Variants in STAT5B observed in about 807,000 individuals in gnomAD.
STAT5B encodes the protein signal transducer and activator of transcription 5B.
Under a neutral mutation model 107.8 loss-of-function variants are expected in STAT5B, and 21 were observed. That is an observed-to-expected ratio of 0.19 (90% confidence interval 0.14 to 0.28). The LOEUF (loss-of-function observed/expected upper bound fraction) is 0.28. Among genes scored for constraint, STAT5B ranks in the 10% least tolerant of loss-of-function variants. STAT5B has a pLI of 1.00. For missense variants in STAT5B, 565 were observed against 1,008.2 expected (o/e 0.56, Z 5.95); for synonymous variants, 325 against 401.7 (o/e 0.81, Z 2.28).
At chr17:42,237,786 A>G (rs2080368305) in intron 1 of STAT5B, among the ~76,000 whole-genome samples, 1 of 152,192 alleles carries the variant, frequency 6.6e-6, no homozygotes, top group Non-Finnish European at 1.5e-5. Flanking sequence ...TGCCAAAGAC[A>G]GCCTGTTAAG....
chr17:42,287,803 A>T, the STAT5B span: 1 of 152,048 alleles, frequency 6.6e-6, no homozygotes, highest in African/African-American at 2.4e-5. Flanking sequence ...AATTGTGGAG[A>T]GGGGGAGGGC....
intron 1 of STAT5B, among the ~76,000 whole-genome samples, chr17:42,257,443 C>T (rs970145337): frequency 5.3e-5 from 8 of 152,182 alleles, no homozygotes; most frequent in African/African-American, 1.9e-4. Flanking sequence ...AAAACCAGAA[C>T]ATCTGTTCAT....
At chr17:42,210,915 T>C (rs1476184819) in intron 13 of STAT5B, among the ~76,000 whole-genome samples, 2 of 152,072 alleles carry the variant, frequency 1.3e-5, no homozygotes, top group Non-Finnish European at 2.9e-5. Context: ...CAAATCAAGG[T>C]GATAGCCGGG....
At chr17:42,263,887 AC>A (rs2080642269) in intron 1 of STAT5B, among the ~76,000 whole-genome samples, 1 of 151,506 alleles carries the variant, frequency 6.6e-6, no homozygotes, top group African/African-American at 2.4e-5. Context: ...ACACACACAC[AC>A]ACACACACAC....
intron 5 of STAT5B, among the ~76,000 whole-genome samples, chr17:42,220,593 A>G (rs540089487): frequency 9.2e-5 from 14 of 152,098 alleles, no homozygotes; most frequent in East Asian, 3.9e-4. Flanking sequence ...CTCACTGTGA[A>G]CCCAGCCAAC....
intron 15 of STAT5B, 108 bp from the exon 16 acceptor site, chr17:42,207,836 T>A (rs764610705): frequency 2.2e-5 from 24 of 1,089,856 alleles, no homozygotes; most frequent in African/African-American, 3.2e-5. Flanking sequence ...ATGGCTCCAA[T>A]AGAAATCTCC....
chr17:42,276,250 C>T lies in STAT5B; in HGVS notation c.-13G>A, dbSNP rs2080764567. 1 of 147,476 alleles carries T rather than the reference C, an allele frequency of 6.8e-6. No individual in the cohort carries two copies. Among genetic ancestry groups the T allele is most frequent in the Non-Finnish European group, 1.5e-5 (1 of 66,192 alleles). 9.1% of individuals were successfully genotyped at this position (147,476 alleles called of 1,614,324 possible). On this transcript the variant is annotated splice_region_variant and 5_prime_UTR_variant, in exon 1 of 19. Transcript: ENST00000293328. The surrounding 1 kb of genome is among the most constrained non-coding windows in gnomAD (Gnocchi z 4.8). ...AGGGCTCGCCCCGCAGCTCCTACCT[C>T]GCTCGGCCCCTCGGGCGCCCGCGGC...
intron 1 of STAT5B, chr17:42,272,053 A>T (rs1384646303): frequency 1.3e-5 from 2 of 152,222 alleles, no homozygotes; most frequent in Non-Finnish European, 2.9e-5. Flanking sequence ...AAAGCGAGTT[A>T]AAGGCCAGGA....
intron 1 of STAT5B, among the ~76,000 whole-genome samples, chr17:42,258,348 T>C (rs917407201): frequency 2.0e-5 from 3 of 152,224 alleles, no homozygotes; most frequent in African/African-American, 7.2e-5. Context: ...TCTAGCCATT[T>C]CTTCAAAGGT....
rs1048235272 is a variant in STAT5B, at chr17:42,199,365, C to G, written c.*2373G>C. ...AAAATATGTATCTGAAATAATTTCA[C>G]CAAGTTTTAAAAAGAAAAATTATAA... On this transcript the variant is annotated 3_prime_UTR_variant, in exon 19 of 19. Coordinates refer to ENST00000293328, the MANE Select transcript of STAT5B (RefSeq NM_012448.4). 6.6e-6 allele frequency: 1 copy of G among 152,068 alleles called. No individual in the cohort carries two copies. The highest frequency in any genetic ancestry group is 1.9e-4 in the East Asian group (1 of 5,262). The allele number at this position is 152,068 out of a possible 1,614,324, so 9.4% of individuals were successfully genotyped here.
intron 1 of STAT5B, among the ~76,000 whole-genome samples, chr17:42,250,262 TA>T (rs1219676019): frequency 2.6e-5 from 4 of 152,212 alleles, no homozygotes; most frequent in African/African-American, 9.7e-5. Context: ...GCTCTTGTTC[TA>T]AAATGTCTGG....
In STAT5B at chr17:42,223,484, C is replaced by T. The variant is rs780393081; in HGVS notation, c.448G>A (p.Glu150Lys). 5.0e-6 allele frequency: 8 copies of T among 1,614,136 alleles called. No individual in the cohort carries two copies. The South Asian group carries it at 6.6e-5, about 13-fold the overall frequency. Residue 150 changes from glutamate to lysine, a missense_variant, in exon 5 of 19, where the codon GAG becomes AAG. This residue lies in a region of STAT5B where 54 missense variants were observed against 49.7 expected (regional missense o/e 1.09). Transcript: ENST00000293328. ...KHLQINQTFE[E>K]LRLVTQDTEN... Reference sequence around the variant, plus strand: ...GTGTCCTGCGTGACCAGTCGCAGCTCCTCAAACGTCTGGTTGATCTGGAGG... The same window carrying T: ...GTGTCCTGCGTGACCAGTCGCAGCTTCTCAAACGTCTGGTTGATCTGGAGG...
Position 42,202,387 on chromosome 17 carries a change from G to C in STAT5B, c.2190C>G (p.Pro730=). ...GGSATYMDQA[P]SPAVCPQAHY... is the part of the protein sequence containing the mutation. ...GAGCCTGGGGACACACAGCTGGGGA[G>C]GGGGCCTGGTCCATGTACGTGGCGC... is the stretch of plus-strand genomic sequence containing the variant. Residue 730 remains proline (P), a synonymous_variant, in exon 18 of 19, where the codon CCC becomes CCG. Transcript: ENST00000293328. 2 of 1,614,242 alleles carry C rather than the reference G, an allele frequency of 1.2e-6. No homozygotes were observed. The highest frequency in any genetic ancestry group is 2.2e-5 in the South Asian group (2 of 91,086).
At chr17:42,252,233 G>T (rs2080506704) in intron 1 of STAT5B, among the ~76,000 whole-genome samples, 2 of 152,102 alleles carry the variant, frequency 1.3e-5, no homozygotes, top group African/African-American at 4.8e-5. Flanking sequence ...TAGGAAAAGT[G>T]CCTCAAACAA....
intron 3 of STAT5B, among the ~76,000 whole-genome samples, chr17:42,226,650 A>T (rs559788153): frequency 2.6e-5 from 4 of 151,892 alleles, no homozygotes; most frequent in Admixed American, 2.6e-4. Flanking sequence ...TCTACTAAAA[A>T]TACAAAAATT....
chr17:42,228,819 A>G (rs1273009681), intron 2 of STAT5B, among the ~76,000 whole-genome samples: 1 of 152,196 alleles, frequency 6.6e-6, no homozygotes, highest in Non-Finnish European at 1.5e-5. Context: ...CTGTAGTCCC[A>G]GCTACTTGGG....
At chr17:42,253,736 C>CA (rs2144367040) in intron 1 of STAT5B, among the ~76,000 whole-genome samples, 1 of 152,082 alleles carries the variant, frequency 6.6e-6, no homozygotes, top group Admixed American at 6.5e-5. Flanking sequence ...AGAGCAGTGG[C>CA]ATGAACACAA....
chr17:42,274,510 T>C (rs758026853), intron 1 of STAT5B, among the ~76,000 whole-genome samples: 26 of 152,230 alleles, frequency 1.7e-4, no homozygotes, highest in Non-Finnish European at 3.1e-4. Flanking sequence ...TATTTAGCCA[T>C]GTCCATTCTA....
intron 3 of STAT5B, among the ~76,000 whole-genome samples, chr17:42,226,211 T>C (rs1485638252): frequency 1.3e-5 from 2 of 152,052 alleles, no homozygotes; most frequent in African/African-American, 2.4e-5. Context: ...CTGGGATTAC[T>C]GGTGTGAGCC....
Sources: allele counts gnomAD v4.1 joint callset (sites outside exome capture counted in the v4.1 genomes callset), GRCh38; gene constraint gnomAD v4.1.1; regional missense constraint gnomAD v4.1.1; non-coding constraint Gnocchi (gnomAD v3.1); transcripts MANE v1.5; gene names NCBI Gene and HGNC (gene_info 2026-07-23, HGNC 2026-07-21).